Variants in SFMBT2 observed in about 807,000 individuals in gnomAD.
SFMBT2 encodes the protein scm-like with four MBT domains protein 2.
A neutral mutation model predicts 110.1 loss-of-function variants in SFMBT2; 38 were observed. The observed-to-expected ratio is 0.35, with a 90% CI of 0.27 to 0.45. The LOEUF is 0.45. Ranked by LOEUF, SFMBT2 falls within the 20% of genes least tolerant of loss-of-function variation. SFMBT2 has a pLI of 1.00. For missense variants in SFMBT2, 1,011 were observed against 1,094.9 expected, an observed-to-expected ratio of 0.92 and a Z score of 1.08; for synonymous variants, 425 against 425.4, an observed-to-expected ratio of 1.00 and a Z score of 0.01.
intron 1 of SFMBT2, among the ~76,000 whole-genome samples, chr10:7,407,966 G>A (rs938941738): frequency 1.3e-5 from 2 of 152,318 alleles, no homozygotes; most frequent in African/African-American, 4.8e-5. Flanking sequence ...CCCAGTCTCG[G>A]CTCCTCCCTC....
At chr10:7,259,659 G>T (rs1841135504) in intron 7 of SFMBT2, among the ~76,000 whole-genome samples, 1 of 152,214 alleles carries the variant, frequency 6.6e-6, no homozygotes, top group Non-Finnish European at 1.5e-5. Flanking sequence ...AGAGAAGTCA[G>T]GTATCGCTGA....
At chr10:7,198,517 CTT>C (rs936502625) in intron 14 of SFMBT2, among the ~76,000 whole-genome samples, 3 of 152,218 alleles carry the variant, frequency 2.0e-5, no homozygotes, top group Non-Finnish European at 4.4e-5. Context: ...AATTGACACT[CTT>C]GTTAGCACCA....
chr10:7,277,050 T>C (rs1841803517), intron 6 of SFMBT2, 61 bp from the exon 7 acceptor site: 2 of 806,014 alleles, frequency 2.5e-6, no homozygotes, highest in East Asian at 4.9e-5. Flanking sequence ...GGGTGACTCT[T>C]TCCTGCATGC....
At chr10:7,317,752 CG>C (rs1428680968) in intron 4 of SFMBT2, among the ~76,000 whole-genome samples, 1 of 151,346 alleles carries the variant, frequency 6.6e-6, no homozygotes, top group Non-Finnish European at 1.5e-5. Context: ...TGTGAACCTG[CG>C]TAAGGAAAAC....
Position 7,172,447 on chromosome 10 carries a change from G to A in SFMBT2, c.2151+48C>T, listed in dbSNP as rs1837909842. 2.5e-6 allele frequency: 4 copies of A among 1,611,614 alleles called. No homozygotes were observed. The African/African-American group carries it at 5.3e-5, about 21-fold the overall frequency. Reference sequence around the variant, plus strand: ...GAAGCAGCCACACTTGCCGGCCAGGGCCAGATGACAGAGCTACAGGCTGGC... The same window carrying A: ...GAAGCAGCCACACTTGCCGGCCAGGACCAGATGACAGAGCTACAGGCTGGC... On this transcript the variant is annotated intron_variant, in intron 18 of 20. Transcript: ENST00000397167. This position sits in a 1 kb window ranked among gnomAD's most constrained non-coding sequence, Gnocchi z 4.6.
In SFMBT2 at chr10:7,322,591, T is replaced by G. The variant is rs772712651; in HGVS notation, c.437-36637A>C. On this transcript the variant is annotated intron_variant, in intron 4 of 20. Transcript: ENST00000397167. ...CAAGAAAATTTTTAAGAATTTGAAA[T>G]GAAAACTTATGGAAGACACACACAC... Among the ~76,000 whole-genome samples, 13 of 144,608 alleles carry G rather than the reference T, an allele frequency of 9.0e-5. 1 individual carries two copies. In the South Asian group the frequency reaches 1.5e-3, roughly 17 times the overall value. 94.9% of individuals were successfully genotyped at this position (144,608 alleles called of 152,430 possible). A position where few individuals can be genotyped will look rare whatever the true frequency, so the allele number is the denominator to read the frequency against.
rs114941280 is a variant in SFMBT2 at position 7,263,372 on chromosome 10, G to A, written c.870+13520C>T. On this transcript the variant is annotated intron_variant, in intron 7 of 20. Transcript: ENST00000397167. ...TTCTCCTGCCTCAACCTCCCGAGTAGGTGGACTACAGGCACGTGCCACTAA... is the reference window on the plus strand; with the variant it reads ...TTCTCCTGCCTCAACCTCCCGAGTAAGTGGACTACAGGCACGTGCCACTAA... 8.1e-3 allele frequency among the ~76,000 whole-genome samples: 1,232 copies of A among 152,246 alleles called. 11 individuals are homozygous for A. The highest frequency in any genetic ancestry group is 0.028 in the African/African-American group (1,151 of 41,540).
At chr10:7,218,966 T>C (rs1839633880) in intron 11 of SFMBT2, among the ~76,000 whole-genome samples, 1 of 152,216 alleles carries the variant, frequency 6.6e-6, no homozygotes, top group African/African-American at 2.4e-5. Flanking sequence ...AACTGCTAAA[T>C]AAATAATGAC....
intron 4 of SFMBT2, among the ~76,000 whole-genome samples, chr10:7,329,860 G>A (rs774919530): frequency 2.0e-5 from 3 of 152,196 alleles, no homozygotes; most frequent in African/African-American, 4.8e-5. Flanking sequence ...GAGGTCACTC[G>A]GGCTGTCCCC....
intron 4 of SFMBT2, among the ~76,000 whole-genome samples, chr10:7,362,904 C>T (rs1220280211): frequency 1.3e-5 from 2 of 152,230 alleles, no homozygotes; most frequent in Non-Finnish European, 2.9e-5. Context: ...GTCCATGGAT[C>T]TTAACTCCAA....
At chr10:7,313,591 G>T (rs193271737) in intron 4 of SFMBT2, among the ~76,000 whole-genome samples, 9 of 152,336 alleles carry the variant, frequency 5.9e-5, no homozygotes, top group Admixed American at 5.9e-4. Context: ...TTACAGGCAT[G>T]AGCTACCGCA....
chr10:7,206,958 G>A (rs1435334387), intron 11 of SFMBT2: 1 of 984,628 alleles, frequency 1.0e-6, no homozygotes, highest in African/African-American at 1.7e-5. Flanking sequence ...GGGTGTGGTG[G>A]CTCATGACTG....
At chr10:7,395,332 A>G (rs1466928866) in intron 1 of SFMBT2, among the ~76,000 whole-genome samples, 1 of 152,212 alleles carries the variant, frequency 6.6e-6, no homozygotes, top group Non-Finnish European at 1.5e-5. Context: ...CAGAATCTTG[A>G]GGGCTTCCCT....
intron 1 of SFMBT2, among the ~76,000 whole-genome samples, chr10:7,395,993 G>C (rs747740322): frequency 2.5e-4 from 38 of 152,074 alleles, no homozygotes; most frequent in Non-Finnish European, 4.4e-4. Flanking sequence ...CCAGCACTTT[G>C]GGAGGCTAAG....
At chr10:7,275,077 G>A (rs1471970062) in intron 7 of SFMBT2, among the ~76,000 whole-genome samples, 21 of 152,166 alleles carry the variant, frequency 1.4e-4, no homozygotes, top group Admixed American at 1.4e-3. Flanking sequence ...ACGCCACAAA[G>A]AGAGGCACAG....
chr10:7,176,299 C>T (rs1446404131), intron 16 of SFMBT2, 134 bp from the exon 17 acceptor site: 1 of 1,067,868 alleles, frequency 9.4e-7, no homozygotes, highest in African/African-American at 1.6e-5. Context: ...TCCCATGTTG[C>T]TTCTGTTATT....
chr10:7,196,599 T>C (rs2131592959), intron 15 of SFMBT2, among the ~76,000 whole-genome samples: 1 of 152,332 alleles, frequency 6.6e-6, no homozygotes, highest in African/African-American at 2.4e-5. Context: ...AGGCAGAGCC[T>C]ATTTCTTTTT....
At chr10:7,267,157 G>A (rs1186220754) in intron 7 of SFMBT2, among the ~76,000 whole-genome samples, 1 of 152,124 alleles carries the variant, frequency 6.6e-6, no homozygotes, top group Non-Finnish European at 1.5e-5. Context: ...GAACTGCCCT[G>A]GTAGAAGAGT....
At chr10:7,362,916 C>T (rs1176230609) in intron 4 of SFMBT2, among the ~76,000 whole-genome samples, 1 of 152,258 alleles carries the variant, frequency 6.6e-6, no homozygotes, top group Non-Finnish European at 1.5e-5. Flanking sequence ...TAACTCCAAA[C>T]TAAACTCCAT....
Sources: allele counts gnomAD v4.1 joint callset (sites outside exome capture counted in the v4.1 genomes callset), GRCh38; gene constraint gnomAD v4.1.1; non-coding constraint Gnocchi (gnomAD v3.1); transcripts MANE v1.5; gene names NCBI Gene and HGNC (gene_info 2026-07-23, HGNC 2026-07-21).